Variants in SPATS1 observed in about 807,000 individuals in gnomAD.
The protein encoded by SPATS1 is spermatogenesis associated serine rich 1.
Under a neutral mutation model 33.6 loss-of-function variants are expected in SPATS1, and 23 were observed. The ratio of observed to expected loss-of-function variants is 0.68; its 90% CI spans 0.49 to 0.97. SPATS1 has a LOEUF of 0.97. Among genes scored for constraint, SPATS1 ranks in the 50% least tolerant of loss-of-function variants. The pLI, the probability that SPATS1 is intolerant of heterozygous loss-of-function variation, is 0.00. For missense variants in SPATS1, 327 were observed against 361.0 expected (o/e 0.91, Z 0.76); for synonymous variants, 131 against 125.6 (o/e 1.04, Z -0.29).
chr6:44,368,276 A>C, intron 5 of SPATS1, 103 bp from the exon 6 acceptor site: 1 of 1,158,374 alleles, frequency 8.6e-7, no homozygotes, highest in Non-Finnish European at 1.2e-6. Flanking sequence ...ATTTATAATA[A>C]AATACTAAAA....
intron 7 of SPATS1, among the ~76,000 whole-genome samples, chr6:44,372,548 C>T (rs1035157165): frequency 2.6e-4 from 40 of 152,046 alleles, no homozygotes; most frequent in African/African-American, 7.7e-4. Context: ...CTGCAACCTC[C>T]GCCCCTAGGT....
chr6:44,361,820 G>T lies in SPATS1; in HGVS notation c.413-11G>T. 6.2e-7 allele frequency: 1 copy of T among 1,614,214 alleles called. No homozygotes were observed. The highest frequency in any genetic ancestry group is 8.5e-7 in the Non-Finnish European group (1 of 1,180,036). The stretch of plus-strand genomic sequence containing the variant: ...AACAGTGCTAATGGAAGGCTTTCTG[G>T]TGTATTGCAGAAGATGGGCATCGTC... On this transcript the variant is annotated splice_polypyrimidine_tract_variant and intron_variant, in intron 4 of 8. Transcript: ENST00000674044.
chr6:44,364,583 A>G (rs1047592655), intron 5 of SPATS1, among the ~76,000 whole-genome samples: 5 of 152,156 alleles, frequency 3.3e-5, no homozygotes, highest in African/African-American at 1.2e-4. Context: ...TAGGTGATGT[A>G]CAGTGACTTC....
chr6:44,360,386 G>A, intron 3 of SPATS1, 60 bp from the exon 4 acceptor site: 1 of 1,607,710 alleles, frequency 6.2e-7, no homozygotes, highest in Non-Finnish European at 8.5e-7. Context: ...TAAACTATGT[G>A]AGATCAGGCT....
chr6:44,349,401 G>A (rs1250310273), intron 2 of SPATS1, among the ~76,000 whole-genome samples: 1 of 151,676 alleles, frequency 6.6e-6, no homozygotes, highest in Non-Finnish European at 1.5e-5. Flanking sequence ...TGATTGAGTT[G>A]AAAGTGGTTT....
chr6:44,361,890 T>C lies in SPATS1; in HGVS notation c.472T>C (p.Tyr158His). 6.2e-7 allele frequency: 1 copy of C among 1,614,226 alleles called. No homozygotes were observed. Among genetic ancestry groups the C allele is most frequent in the African/African-American group, 1.3e-5 (1 of 75,060 alleles). Residue 158 changes from tyrosine to histidine, a missense_variant, in exon 5 of 9, where the codon TAC becomes CAC. By Grantham distance (83) the Tyr-to-His change is moderately conservative. Transcript: ENST00000674044. Reference sequence around the variant, plus strand: ...AAGGTTTAGCAGCAACATCCACACCTACCACGTCGGAAAGCAGTGCTTCTT... The same window carrying C: ...AAGGTTTAGCAGCAACATCCACACCCACCACGTCGGAAAGCAGTGCTTCTT... Reference protein sequence around the residue: ...YPRFSSNIHTYHVGKQCFFNG... With the variant: ...YPRFSSNIHTHHVGKQCFFNG...
intron 2 of SPATS1, among the ~76,000 whole-genome samples, chr6:44,346,185 G>C (rs1390932743): frequency 6.6e-6 from 1 of 151,658 alleles, no homozygotes; most frequent in South Asian, 2.1e-4. Flanking sequence ...CAGCTACTTG[G>C]GAGGCTGGGG....
chr6:44,358,357 C>T (rs1275412403), intron 3 of SPATS1, among the ~76,000 whole-genome samples: 1 of 152,212 alleles, frequency 6.6e-6, no homozygotes, highest in African/African-American at 2.4e-5. Flanking sequence ...TTTCAGCTGA[C>T]ACCTATAATA....
intron 2 of SPATS1, among the ~76,000 whole-genome samples, chr6:44,348,841 A>G (rs560923193): frequency 6.6e-6 from 1 of 152,354 alleles, no homozygotes; most frequent in East Asian, 1.9e-4. Flanking sequence ...TCTACTAAAA[A>G]TACAAAAATT....
chr6:44,366,737 TA>T (rs1789274956), intron 5 of SPATS1, among the ~76,000 whole-genome samples: 1 of 152,194 alleles, frequency 6.6e-6, no homozygotes, highest in Non-Finnish European at 1.5e-5. Flanking sequence ...TCCTCCAGAT[TA>T]AAAAATAATT....
chr6:44,364,594 T>C (rs1583089687), intron 5 of SPATS1, among the ~76,000 whole-genome samples: 1 of 152,202 alleles, frequency 6.6e-6, no homozygotes, highest in African/African-American at 2.4e-5. Flanking sequence ...CAGTGACTTC[T>C]TTAAACATCA....
Position 44,376,484 on chromosome 6 carries a change from G to T in SPATS1, c.874+11G>T. The stretch of plus-strand genomic sequence containing the variant: ...TGCTACACCTTTCTGGTGGGTTAAA[G>T]AAACTTCAAAGAATAGTGTAAAAAC... On this transcript the variant is annotated intron_variant, in intron 8 of 8. Coordinates refer to ENST00000674044, the MANE Select transcript of SPATS1 (RefSeq NM_001372081.1). 1.3e-6 allele frequency: 2 copies of T among 1,579,750 alleles called. No individual in the cohort carries two copies. The highest frequency in any genetic ancestry group is 1.2e-5 in the South Asian group (1 of 86,824).
chr6:44,360,485 TTCTGA>T lies in SPATS1; in HGVS notation c.330_334del (p.Asp111LeufsTer3). On this transcript the variant is annotated frameshift_variant, in exon 4 of 9. Coordinates refer to ENST00000674044, the MANE Select transcript of SPATS1 (RefSeq NM_001372081.1). LOFTEE classifies it high-confidence loss of function. The stretch of plus-strand genomic sequence containing the variant: ...TGGATCGGAAACTCTCCTTCTCACA[TTCTGA>T]TCACTCCTCTGAAATGTCGTTGCCT... 1 of 1,614,208 alleles carries T rather than the reference TTCTGA, an allele frequency of 6.2e-7. No individual in the cohort carries two copies. Among genetic ancestry groups the T allele is most frequent in the Non-Finnish European group, 8.5e-7 (1 of 1,180,034 alleles).
At chr6:44,370,991 T>C (rs1017720897) in intron 7 of SPATS1, among the ~76,000 whole-genome samples, 17 of 151,882 alleles carry the variant, frequency 1.1e-4, no homozygotes, top group Admixed American at 2.6e-4. Context: ...TTTTTTTTTT[T>C]TTTTCTTGAA....
At chr6:44,373,017 CCAGT>C (rs533964888) in intron 7 of SPATS1, among the ~76,000 whole-genome samples, 40 of 152,276 alleles carry the variant, frequency 2.6e-4, no homozygotes, top group African/African-American at 9.6e-4. Flanking sequence ...CATTCAGTTC[CCAGT>C]CACTCTATTG....
chr6:44,364,575 G>T (rs1789123664), intron 5 of SPATS1, among the ~76,000 whole-genome samples: 1 of 152,000 alleles, frequency 6.6e-6, no homozygotes, highest in Non-Finnish European at 1.5e-5. Flanking sequence ...TTACTTCTTA[G>T]GTGATGTACA....
At chr6:44,372,487 G>T (rs1789686836) in intron 7 of SPATS1, among the ~76,000 whole-genome samples, 2 of 150,184 alleles carry the variant, frequency 1.3e-5, no homozygotes, top group African/African-American at 4.9e-5. Flanking sequence ...TTTTTTAGAT[G>T]GAGTCTCACT....
Position 44,370,829 on chromosome 6 carries a change from C to T in SPATS1, c.758+716C>T, listed in dbSNP as rs150500367. ...GTCTGTACTTTACATTTTTAATAAA[C>T]ACTATTCTAGAATATTCCAAATAAT... On this transcript the variant is annotated intron_variant, in intron 7 of 8. Coordinates refer to ENST00000674044, the MANE Select transcript of SPATS1 (RefSeq NM_001372081.1). 4.9e-3 allele frequency among the ~76,000 whole-genome samples: 751 copies of T among 152,260 alleles called. 4 individuals are homozygous for T. The highest frequency in any genetic ancestry group is 0.016 in the African/African-American group (684 of 41,554).
At chr6:44,356,444 T>G (rs1000523838) in intron 3 of SPATS1, among the ~76,000 whole-genome samples, 12 of 152,206 alleles carry the variant, frequency 7.9e-5, no homozygotes, top group Non-Finnish European at 1.6e-4. Context: ...TTATCTCACA[T>G]TTTCTACAGG....
Sources: gnomAD v4.1 joint callset for allele counts (sites outside exome capture counted in the v4.1 genomes callset) on GRCh38, gnomAD v4.1.1 for gene constraint, MANE v1.5 for transcripts, NCBI Gene and HGNC (gene_info 2026-07-23, HGNC 2026-07-21) for gene names.